Variants in USP34 observed in about 807,000 individuals in gnomAD.
USP34 encodes ubiquitin specific peptidase 34.
Under a neutral mutation model 460.3 loss-of-function variants are expected in USP34, and 70 were observed. That is an observed-to-expected ratio of 0.15 (90% CI 0.13 to 0.19). The LOEUF (loss-of-function observed/expected upper bound fraction) is 0.19, where lower values mean the gene tolerates loss of function less well. Ranked by LOEUF, USP34 falls within the 10% of genes least tolerant of loss-of-function variation. The pLI is 1.00. For synonymous variants in USP34, 1,647 were observed against 1,405.3 expected, an observed-to-expected ratio of 1.17 and a Z score of -3.85; for missense variants, 3,985 against 4,236.2, an observed-to-expected ratio of 0.94 and a Z score of 1.65.
chr2:61,259,118 G>T (rs1486552333), intron 44 of USP34, among the ~76,000 whole-genome samples: 1 of 152,030 alleles, frequency 6.6e-6, no homozygotes, highest in Admixed American at 6.6e-5. Flanking sequence ...ATTTAGCCAG[G>T]CGTGGTGGTG....
intron 1 of USP34, among the ~76,000 whole-genome samples, chr2:61,421,165 T>G (rs190440956): frequency 6.6e-6 from 1 of 152,244 alleles, no homozygotes; most frequent in African/African-American, 2.4e-5. Flanking sequence ...AAGATCTTGT[T>G]CTCCAGTGCC....
chr2:61,317,234 G>A (rs925258057), intron 23 of USP34, among the ~76,000 whole-genome samples: 1 of 152,004 alleles, frequency 6.6e-6, no homozygotes, highest in African/African-American at 2.4e-5. Context: ...TGAAACCAGA[G>A]AACAGAATTG....
intron 1 of USP34, among the ~76,000 whole-genome samples, chr2:61,436,326 A>C (rs1694810994): frequency 6.6e-6 from 1 of 152,198 alleles, no homozygotes. Flanking sequence ...TCCCAACAAA[A>C]TAAAGACACA....
rs1686520335 is a variant in USP34 at position 61,188,555 on chromosome 2, A to G, written c.10188T>C (p.Ile3396=). ...GAAGATCTTGCTCAGTTCCTGGATCAATAATTGAGGAGTCTCTGGTCTCAT... is the reference window on the plus strand; with the variant it reads ...GAAGATCTTGCTCAGTTCCTGGATCGATAATTGAGGAGTCTCTGGTCTCAT... The part of the protein sequence containing the change: ...SDNETRDSSI[I]DPGTEQDLPS... The change falls in exon 80 of 80, where the codon ATT becomes ATC. Residue 3396 remains isoleucine (I), a synonymous_variant. Coordinates refer to ENST00000398571, the MANE Select transcript of USP34 (RefSeq NM_014709.4). 6.2e-7 allele frequency: 1 copy of G among 1,614,202 alleles called. No individual in the cohort carries two copies. Among genetic ancestry groups the G allele is most frequent in the Non-Finnish European group, 8.5e-7 (1 of 1,180,032 alleles).
chr2:61,267,305 G>GT (rs1418270612), intron 41 of USP34, among the ~76,000 whole-genome samples: 3 of 152,102 alleles, frequency 2.0e-5, no homozygotes, highest in Admixed American at 2.0e-4. Flanking sequence ...CTTGAAAGAC[G>GT]TACCAAAAAC....
Position 61,295,154 on chromosome 2 carries a change from G to A in USP34, c.4377+14C>T. On this transcript the variant is annotated intron_variant, in intron 31 of 79. Transcript: ENST00000398571. ...AATACAAACATTTAATGATAATAAT[G>A]GAAATGCAATTACCGTAGACTCCCT... The A allele has an allele frequency of 6.2e-7, 1 of 1,601,930 alleles. No homozygotes were observed. The highest frequency in any genetic ancestry group is 8.5e-7 in the Non-Finnish European group (1 of 1,176,662).
At chr2:61,221,445 T>C in intron 66 of USP34, 57 bp downstream of exon 66, 1 of 1,471,442 alleles carries the variant, frequency 6.8e-7, no homozygotes, top group Non-Finnish European at 9.2e-7. Flanking sequence ...GTGACTATAT[T>C]ATAAAAATAA....
At chr2:61,438,989 A>G (rs1002724825) in intron 1 of USP34, among the ~76,000 whole-genome samples, 1 of 152,232 alleles carries the variant, frequency 6.6e-6, no homozygotes, top group African/African-American at 2.4e-5. Flanking sequence ...CAAAATCACT[A>G]TTTAAAAAAA....
chr2:61,296,077 G>A (rs1023917007), intron 30 of USP34, among the ~76,000 whole-genome samples: 1 of 151,996 alleles, frequency 6.6e-6, no homozygotes, highest in Admixed American at 6.6e-5. Context: ...TGGCCAAAAC[G>A]GTGAAACCCT....
At chr2:61,265,864 CAAT>C in intron 42 of USP34, 117 bp downstream of exon 42, 2 of 964,208 alleles carry the variant, frequency 2.1e-6, no homozygotes, top group East Asian at 2.8e-5. Context: ...AACACCCTAC[CAAT>C]AATCATTTAT....
intron 20 of USP34, 69 bp from the exon 21 acceptor site, chr2:61,325,526 C>T: frequency 1.0e-6 from 1 of 960,656 alleles, no homozygotes; most frequent in South Asian, 2.1e-5. Context: ...ATTTAGTGGT[C>T]CTATGCATAA....
intron 3 of USP34, among the ~76,000 whole-genome samples, chr2:61,399,874 C>CCAAAAAAAAAAAAAAAAA (rs1693658071): frequency 7.1e-5 from 5 of 69,984 alleles, no homozygotes; most frequent in African/African-American, 2.9e-4. Flanking sequence ...CACTGTCTCC[C>CCAAAAAAAAAAAAAAAAA]AAAAAAAAAA....
intron 2 of USP34, among the ~76,000 whole-genome samples, chr2:61,408,215 T>C (rs1420537683): frequency 6.6e-6 from 1 of 152,118 alleles, no homozygotes; most frequent in African/African-American, 2.4e-5. Flanking sequence ...ACATGAGCTT[T>C]TTACATGACT....
intron 1 of USP34, among the ~76,000 whole-genome samples, chr2:61,456,753 G>A (rs1252568255): frequency 2.6e-5 from 4 of 152,112 alleles, no homozygotes; most frequent in East Asian, 1.9e-4. Context: ...AGGAGTTCAC[G>A]ACCAGCCTGG....
At chr2:61,204,627 A>G (rs1687064458) in intron 72 of USP34, 26 bp from the exon 73 acceptor site, 6 of 1,586,846 alleles carry the variant, frequency 3.8e-6, no homozygotes, top group Non-Finnish European at 5.2e-6. Flanking sequence ...AAGTTTGGGT[A>G]GCAAAAAATT....
intron 32 of USP34, among the ~76,000 whole-genome samples, chr2:61,294,339 C>A (rs1689956395): frequency 1.5e-5 from 2 of 131,056 alleles, no homozygotes; most frequent in Non-Finnish European, 3.2e-5. Context: ...GAGCGAGACT[C>A]CATTTCAAAA....
intron 33 of USP34, 122 bp from the exon 34 acceptor site, chr2:61,288,999 A>C: frequency 1.0e-6 from 1 of 983,172 alleles, no homozygotes; most frequent in African/African-American, 1.6e-5. Context: ...ATCATGTACT[A>C]TAAAAATTCT....
intron 15 of USP34, among the ~76,000 whole-genome samples, chr2:61,347,139 CAAAGAAAAAAA>C (rs2103775448): frequency 6.6e-6 from 1 of 150,590 alleles, no homozygotes; most frequent in East Asian, 1.9e-4. Flanking sequence ...GACCCTGTCT[CAAAGAAAAAAA>C]GAAGAAGAAA....
chr2:61,266,205 T>A, intron 41 of USP34, 38 bp from the exon 42 acceptor site: 1 of 1,552,690 alleles, frequency 6.4e-7, no homozygotes, highest in Non-Finnish European at 8.8e-7. Context: ...TAAACTGAGA[T>A]ATTAATTACA....
Sources: gnomAD v4.1 joint callset for allele counts (sites outside exome capture counted in the v4.1 genomes callset) on GRCh38, gnomAD v4.1.1 for gene constraint, MANE v1.5 for transcripts, NCBI Gene and HGNC (gene_info 2026-07-23, HGNC 2026-07-21) for gene names.